TCP11: variants seen among roughly 807,000 people sequenced by gnomAD.
The protein encoded by TCP11 is T-complex protein 11 homolog.
A neutral mutation model predicts 45.0 loss-of-function variants in TCP11; 34 were observed. The observed-to-expected ratio is 0.76, with a 90% confidence interval of 0.57 to 1.01. The LOEUF is 1.01. Among genes scored for constraint, TCP11 ranks in the 50% least tolerant of loss-of-function variants. The probability of loss-of-function intolerance (pLI) is 0.00; values close to 1 mark genes in which losing one functional copy is unlikely to be tolerated. For synonymous variants in TCP11, 227 were observed against 227.0 expected (o/e 1.00, Z 0.00); for missense variants, 523 against 598.1 (o/e 0.87, Z 1.31).
chr6:35,135,602 A>G (rs1780983044), intron 3 of TCP11, among the ~76,000 whole-genome samples: 1 of 147,986 alleles, frequency 6.8e-6, no homozygotes, highest in African/African-American at 2.5e-5. Context: ...CCTGGGCAAC[A>G]CAGTGAGACC....
rs78902523 is a variant in TCP11, at chr6:35,125,943, C to T, written c.357+3119G>A. On this transcript the variant is annotated intron_variant, in intron 4 of 9. Transcript: ENST00000311875. ...AAATATTGTATTCCATTTATAAGTA[C>T]CTAGAGTAGTCAAATTCATAGAGAC... Among the ~76,000 whole-genome samples the T allele has an allele frequency of 4.5e-4, 68 of 152,046 alleles. No individual in the cohort carries two copies. The East Asian group carries it at 0.012, about 27-fold the overall frequency.
intron 2 of TCP11, chr6:35,140,345 A>T (rs1015032278): frequency 2.9e-6 from 2 of 698,190 alleles, no homozygotes; most frequent in Admixed American, 2.4e-5. Context: ...ACCGAGCTAG[A>T]GACTGGGCCC....
chr6:35,127,291 A>G (rs962824017), intron 4 of TCP11, among the ~76,000 whole-genome samples: 21 of 152,248 alleles, frequency 1.4e-4, no homozygotes, highest in African/African-American at 4.8e-4. Context: ...AAGAAAGACC[A>G]TGCCTGAAAC....
chr6:35,131,531 G>A (rs777156816), intron 3 of TCP11, among the ~76,000 whole-genome samples: 14 of 149,034 alleles, frequency 9.4e-5, no homozygotes, highest in African/African-American at 1.5e-4. Flanking sequence ...TTGTGCCACC[G>A]CACTCCAGCC....
In TCP11 at chr6:35,120,482, G is replaced by C. The variant is rs1779112008; in HGVS notation, c.880C>G (p.Gln294Glu). ...CAGAGAAGGAGGTTCAAGAAGCCCT[G>C]ACACAGCACCATTGTGGGGCTGAGG... ...EPLSPTMVLC[Q>E]GFLNLLLWDL... Residue 294 changes from glutamine to glutamate, a missense_variant, in exon 7 of 10, where the codon CAG (glutamine) becomes GAG (glutamate). Transcript: ENST00000311875. This position sits in a 1 kb window ranked among gnomAD's most constrained non-coding sequence, Gnocchi z 4.9. The C allele has an allele frequency of 2.5e-6, 4 of 1,610,826 alleles. No homozygotes were observed. In the Admixed American group the frequency reaches 6.7e-5, roughly 27 times the overall value.
At position 35,141,049 on chromosome 6, in the gene TCP11, G is replaced by A. The variant is rs936061810; in HGVS notation, c.-15+156C>T. ...GCGTGGAGGAGCGGAAGTCGAGAGT[G>A]GGACAGAAGTGGAGCGCTGGGCGGC... On this transcript the variant is annotated intron_variant, in intron 1 of 9. Transcript: ENST00000311875. The A allele has an allele frequency of 3.3e-6, 4 of 1,221,284 alleles. No homozygotes were observed. The Admixed American group carries it at 1.1e-4, about 34-fold the overall frequency. 75.7% of individuals were successfully genotyped at this position (1,221,284 alleles called of 1,614,324 possible). A position where few individuals can be genotyped will look rare whatever the true frequency, so the allele number is the denominator to read the frequency against.
rs1253949343 is a variant in TCP11, at chr6:35,120,757, GTCTT to G, written c.716-115_716-112del. 1 of 1,393,292 alleles carries G rather than the reference GTCTT, an allele frequency of 7.2e-7. No individual in the cohort carries two copies. Among genetic ancestry groups the G allele is most frequent in the Non-Finnish European group, 9.8e-7 (1 of 1,020,348 alleles). 86.3% of individuals were successfully genotyped at this position (1,393,292 alleles called of 1,614,324 possible). ...TGGTCAATAAATAAATGCTTTGAGG[GTCTT>G]TCTGTCTTAGATAAATGTTCCTTCT... On this transcript the variant is annotated intron_variant, in intron 6 of 9. Transcript: ENST00000311875. The surrounding 1 kb of genome is among the most constrained non-coding windows in gnomAD (Gnocchi z 4.9).
Position 35,120,523 on chromosome 6 carries a change from G to A in TCP11, c.839C>T (p.Ala280Val). The A allele has an allele frequency of 6.2e-7, 1 of 1,614,100 alleles. No homozygotes were observed. The highest frequency in any genetic ancestry group is 8.5e-7 in the Non-Finnish European group (1 of 1,180,024). ...GGGGCTGAGGGGCTCTGGGTTGTTG[G>A]CTGCCTCATTGGGAGAGGGGCCAGC... is the stretch of plus-strand genomic sequence containing the variant. ...SVAGPSPNEA[A>V]NNPEPLSPTM... Residue 280 changes from alanine to valine, a missense_variant, in exon 7 of 10, where the codon GCC (alanine) becomes GTC (valine). By Grantham distance (64) the Ala-to-Val change is moderately conservative. This residue lies in a region of TCP11 where 298 missense variants were observed against 387.9 expected (regional missense o/e 0.77). Coordinates refer to ENST00000311875, the MANE Select transcript of TCP11 (RefSeq NM_001370687.1). The surrounding 1 kb of genome is among the most constrained non-coding windows in gnomAD (Gnocchi z 4.9).
intron 2 of TCP11, 134 bp downstream of exon 2, chr6:35,140,613 G>C (rs778298212): frequency 3.6e-5 from 25 of 699,712 alleles, no homozygotes; most frequent in Middle Eastern, 4.6e-4. Context: ...AGTAAAGGCG[G>C]GTGGGGGAGA....
intron 1 of TCP11, 84 bp from the exon 2 acceptor site, chr6:35,140,968 G>T (rs962761410): frequency 9.1e-6 from 13 of 1,425,646 alleles, no homozygotes; most frequent in Admixed American, 2.8e-5. Flanking sequence ...GCGGCGGGAA[G>T]GGGGGTAGCG....
rs1467610126 is a variant in TCP11, at chr6:35,121,043, CCT to C, written c.579_580del (p.Gly194AspfsTer32). 6.2e-7 allele frequency: 1 copy of C among 1,604,692 alleles called. No individual in the cohort carries two copies. The highest frequency in any genetic ancestry group is 2.2e-5 in the East Asian group (1 of 44,788). On this transcript the variant is annotated frameshift_variant and splice_region_variant, in exon 6 of 10. Transcript: ENST00000311875. LOFTEE classifies it high-confidence loss of function. ...CATCCGGCCCAGAACCTGGAAGATC[CCT>C]CTGACACAGGGGGAAAGAGAATATT...
chr6:35,138,140 A>T (rs1027697874), intron 2 of TCP11, among the ~76,000 whole-genome samples: 1 of 152,200 alleles, frequency 6.6e-6, no homozygotes, highest in Non-Finnish European at 1.5e-5. Context: ...TGTTGGTGGG[A>T]ATGTAAATTA....
At chr6:35,136,455 G>A (rs998798312) in intron 2 of TCP11, among the ~76,000 whole-genome samples, 2 of 150,898 alleles carry the variant, frequency 1.3e-5, no homozygotes, top group Non-Finnish European at 2.9e-5. Context: ...ATAAAAAAAA[G>A]CAGGAAGTGA....
chr6:35,118,493 T>A lies in TCP11; in HGVS notation c.1288A>T (p.Ile430Phe). Reference protein sequence around the residue: ...NCVCSVIDQRIHLFLKCCLVL... With the variant: ...NCVCSVIDQRFHLFLKCCLVL... The stretch of plus-strand genomic sequence containing the variant: ...AAACAGCATTTGAGAAACAAATGGA[T>A]CCGCTGATCTGTGAGCAGGAAAAGA... Residue 430 changes from isoleucine to phenylalanine, a missense_variant, in exon 10 of 10, where the codon ATC becomes TTC. Transcript: ENST00000311875. The A allele has an allele frequency of 6.2e-7, 1 of 1,613,252 alleles. No individual in the cohort carries two copies. Among genetic ancestry groups the A allele is most frequent in the Non-Finnish European group, 8.5e-7 (1 of 1,179,650 alleles).
At chr6:35,135,147 CAAA>C (rs34456748) in intron 3 of TCP11, among the ~76,000 whole-genome samples, 30 of 131,014 alleles carry the variant, frequency 2.3e-4, no homozygotes, top group Admixed American at 3.1e-4. Context: ...AACTCCATCT[CAAA>C]AAAAAAAAAA....
rs144320775 is a variant in TCP11 at position 35,122,313 on chromosome 6, G to A, written c.382C>T (p.Arg128Cys). The A allele has an allele frequency of 4.1e-4, 655 of 1,614,118 alleles. 6 individuals carry two copies. The East Asian group carries it at 0.012, about 31-fold the overall frequency. Residue 128 changes from arginine (R) to cysteine (C), a missense_variant, in exon 5 of 10, where the codon CGC becomes TGC. This residue lies in a region of TCP11 where 225 missense variants were observed against 210.2 expected (regional missense o/e 1.07). Coordinates refer to ENST00000311875, the MANE Select transcript of TCP11 (RefSeq NM_001370687.1). ...ATCTCAATTCTCAGGCGGTTCTGGCGTGGTAATAGCAGTGATAGCAAGATC... is the reference window on the plus strand; with the variant it reads ...ATCTCAATTCTCAGGCGGTTCTGGCATGGTAATAGCAGTGATAGCAAGATC... ...KEILLSLLLP[R>C]QNRLRIEIEE...
chr6:35,136,059 G>A (rs565461034), intron 3 of TCP11, 48 bp downstream of exon 3: 1 of 1,474,054 alleles, frequency 6.8e-7, no homozygotes, highest in South Asian at 1.2e-5. Flanking sequence ...TCAGTGCTAA[G>A]TACCTAAGCC....
At chr6:35,131,931 TA>T (rs1309391328) in intron 3 of TCP11, among the ~76,000 whole-genome samples, 3 of 152,160 alleles carry the variant, frequency 2.0e-5, no homozygotes, top group African/African-American at 7.2e-5. Context: ...TACAATTAAC[TA>T]GTCTCCCTGC....
At chr6:35,119,988 T>A (rs1445810415) in intron 8 of TCP11, among the ~76,000 whole-genome samples, 171 bp downstream of exon 8, 1 of 152,204 alleles carries the variant, frequency 6.6e-6, no homozygotes, top group Admixed American at 6.5e-5. Flanking sequence ...GAAAGGTTTT[T>A]TTTTGTTACA....
Sources: allele counts gnomAD v4.1 joint callset (sites outside exome capture counted in the v4.1 genomes callset), GRCh38; gene constraint gnomAD v4.1.1; regional missense constraint gnomAD v4.1.1; non-coding constraint Gnocchi (gnomAD v3.1); transcripts MANE v1.5; gene names NCBI Gene and HGNC (gene_info 2026-07-23, HGNC 2026-07-21).